The following STXBP5L variants were observed in gnomAD, a reference collection of about 807,000 sequenced individuals.
STXBP5L encodes the protein syntaxin binding protein 5L, also known as syntaxin-binding protein 5-like.
Under a neutral mutation model 144.5 loss-of-function variants are expected in STXBP5L, and 65 were observed. The ratio of observed to expected loss-of-function variants is 0.45; its 90% CI spans 0.37 to 0.55. The LOEUF is 0.55. Ranked by LOEUF, STXBP5L falls within the 20% of genes least tolerant of loss-of-function variation. The probability of loss-of-function intolerance (pLI) is 0.00; values close to 1 mark genes in which losing one functional copy is unlikely to be tolerated. For synonymous variants in STXBP5L, 505 were observed against 469.6 expected, an observed-to-expected ratio of 1.08 and a Z score of -0.97; for missense variants, 1,298 against 1,405.5, an observed-to-expected ratio of 0.92 and a Z score of 1.22.
intron 19 of STXBP5L, among the ~76,000 whole-genome samples, chr3:121,312,769 G>A (rs1307611682): frequency 2.0e-5 from 3 of 151,802 alleles, no homozygotes; most frequent in African/African-American, 7.3e-5. Context: ...GAGAGCACAG[G>A]GTTGGGGATA....
intron 2 of STXBP5L, among the ~76,000 whole-genome samples, chr3:120,943,301 C>CT (rs912102160): frequency 6.6e-6 from 1 of 151,616 alleles, no homozygotes; most frequent in African/African-American, 2.4e-5. Context: ...TGTAAGACTC[C>CT]TTTTTAGAGA....
At chr3:121,121,953 C>T (rs774607762) in intron 7 of STXBP5L, among the ~76,000 whole-genome samples, 1 of 150,724 alleles carries the variant, frequency 6.6e-6, no homozygotes, top group East Asian at 1.9e-4. Flanking sequence ...ATTTTGAGAA[C>T]GATAACATGT....
chr3:120,977,486 G>T (rs1576547323), intron 3 of STXBP5L, among the ~76,000 whole-genome samples: 1 of 152,144 alleles, frequency 6.6e-6, no homozygotes, highest in African/African-American at 2.4e-5. Context: ...GATGGGTCTT[G>T]ACTGTTTATC....
intron 17 of STXBP5L, among the ~76,000 whole-genome samples, 153 bp from the exon 18 acceptor site, chr3:121,258,890 T>C (rs2050294263): frequency 6.6e-6 from 1 of 152,162 alleles, no homozygotes; most frequent in Non-Finnish European, 1.5e-5. Flanking sequence ...ACTCAGCATA[T>C]TTTGAGAAAA....
intron 5 of STXBP5L, among the ~76,000 whole-genome samples, chr3:121,086,021 C>A (rs887093469): frequency 6.6e-6 from 1 of 152,100 alleles, no homozygotes; most frequent in Non-Finnish European, 1.5e-5. Context: ...GACCACACAT[C>A]TACATCTGAT....
At chr3:121,180,096 A>T (rs1293917084) in intron 9 of STXBP5L, among the ~76,000 whole-genome samples, 2 of 152,214 alleles carry the variant, frequency 1.3e-5, no homozygotes, top group African/African-American at 4.8e-5. Context: ...ACTCCTGGGA[A>T]ATTCATCACA....
chr3:121,018,029 C>T (rs1033965747), intron 3 of STXBP5L, among the ~76,000 whole-genome samples: 4 of 152,092 alleles, frequency 2.6e-5, no homozygotes, highest in Non-Finnish European at 4.4e-5. Context: ...CAGTGAGCCA[C>T]GATCACGCCA....
At chr3:121,372,530 T>C (rs1437636076) in intron 20 of STXBP5L, among the ~76,000 whole-genome samples, 2 of 152,176 alleles carry the variant, frequency 1.3e-5, no homozygotes, top group Non-Finnish European at 2.9e-5. Flanking sequence ...CAGAGGCCCA[T>C]GGCGATAGCA....
chr3:121,091,443 GT>G (rs2042788311), intron 5 of STXBP5L, among the ~76,000 whole-genome samples: 1 of 151,956 alleles, frequency 6.6e-6, no homozygotes, highest in Non-Finnish European at 1.5e-5. Flanking sequence ...AGCACCTGTT[GT>G]TCCCTGACTT....
rs562535307 is a variant in STXBP5L at position 120,966,066 on chromosome 3, G to A, written c.287+11029G>A. On this transcript the variant is annotated intron_variant, in intron 3 of 26. Transcript: ENST00000471454. ...CTGATACCCTTTCTTCCACTTGATC[G>A]AATCAGCTTTTGAAGCTTGTGCATG... 3.3e-5 allele frequency among the ~76,000 whole-genome samples: 5 copies of A among 151,938 alleles called. No individual in the cohort carries two copies. In the East Asian group the frequency reaches 5.8e-4, roughly 18 times the overall value.
Position 121,407,309 on chromosome 3 carries a change from T to G in STXBP5L, c.2654T>G (p.Met885Arg), listed in dbSNP as rs1198254063. ...FSCMDRMGGLMQPPYEVWRDP... is the reference protein window; with the variant it reads ...FSCMDRMGGLRQPPYEVWRDP... ...TGTATGGACCGAATGGGTGGATTAA[T>G]GCAACCGCCATATGAAGTTTGGAGG... The change falls in exon 23 of 27, where the codon ATG becomes AGG. Residue 885 changes from methionine to arginine, a missense_variant. Transcript: ENST00000471454. 2 of 1,611,760 alleles carry G rather than the reference T, an allele frequency of 1.2e-6. No individual in the cohort carries two copies. Among genetic ancestry groups the G allele is most frequent in the African/African-American group, 2.7e-5 (2 of 74,792 alleles).
intron 20 of STXBP5L, among the ~76,000 whole-genome samples, chr3:121,352,158 G>T (rs2045312355): frequency 6.6e-6 from 1 of 152,036 alleles, no homozygotes; most frequent in Admixed American, 6.6e-5. Flanking sequence ...GATTGACTTG[G>T]CAATGCAGGA....
chr3:121,026,771 GA>G, intron 3 of STXBP5L, among the ~76,000 whole-genome samples: 1 of 151,926 alleles, frequency 6.6e-6, no homozygotes, highest in Non-Finnish European at 1.5e-5. Context: ...AGAGGTGGCA[GA>G]TATATAATAT....
At chr3:121,185,285 A>G (rs9831505) in intron 9 of STXBP5L, among the ~76,000 whole-genome samples, 15,123 of 152,070 alleles carry the variant, frequency 0.099, 1,183 homozygotes, top group Admixed American at 0.2. Flanking sequence ...TTGCTGTGCA[A>G]AAGCTCTTTA....
intron 4 of STXBP5L, 152 bp from the exon 5 acceptor site, chr3:121,045,283 A>T (rs1222387463): frequency 4.8e-6 from 3 of 619,350 alleles, no homozygotes; most frequent in Non-Finnish European, 7.9e-6. Flanking sequence ...ACCCTTCCTG[A>T]TTGAAGTTTA....
chr3:121,302,392 C>T (rs2051952722), intron 19 of STXBP5L, among the ~76,000 whole-genome samples: 1 of 151,806 alleles, frequency 6.6e-6, no homozygotes, highest in Non-Finnish European at 1.5e-5. Context: ...TGGTGATATC[C>T]CCTTTATCAT....
At chr3:121,368,611 G>T (rs892835438) in intron 20 of STXBP5L, among the ~76,000 whole-genome samples, 1 of 151,708 alleles carries the variant, frequency 6.6e-6, no homozygotes, top group African/African-American at 2.4e-5. Context: ...AATCATATTT[G>T]CTCCATTTTC....
intron 7 of STXBP5L, among the ~76,000 whole-genome samples, chr3:121,132,741 A>G (rs1000628856): frequency 3.9e-5 from 6 of 152,362 alleles, no homozygotes; most frequent in Non-Finnish European, 8.8e-5. Context: ...ACTGAGGTCA[A>G]TAATGCAATT....
intron 3 of STXBP5L, among the ~76,000 whole-genome samples, chr3:120,961,931 A>G (rs1445282545): frequency 6.6e-6 from 1 of 152,128 alleles, no homozygotes; most frequent in Non-Finnish European, 1.5e-5. Flanking sequence ...CCTCCCCAAC[A>G]TCTGTTGTTT....
Sources: gnomAD v4.1 joint callset for allele counts (sites outside exome capture counted in the v4.1 genomes callset) on GRCh38, gnomAD v4.1.1 for gene constraint, MANE v1.5 for transcripts, NCBI Gene and HGNC (gene_info 2026-07-23, HGNC 2026-07-21) for gene names.